SPTLC3: variants seen among roughly 807,000 people sequenced by gnomAD.
SPTLC3 encodes the protein serine palmitoyltransferase 3.
In SPTLC3, 36 loss-of-function variants were observed where a neutral mutation model predicts 59.3. The ratio of observed to expected loss-of-function variants is 0.61; its 90% CI spans 0.47 to 0.80. The LOEUF is 0.80. Among genes scored for constraint, SPTLC3 ranks in the 30% least tolerant of loss-of-function variants. The pLI is 0.00. For synonymous variants in SPTLC3, 257 were observed against 240.8 expected (o/e 1.07, Z -0.62); for missense variants, 625 against 685.1 (o/e 0.91, Z 0.98).
intron 2 of SPTLC3, among the ~76,000 whole-genome samples, chr20:13,071,713 T>C (rs1291483922): frequency 1.3e-5 from 2 of 152,184 alleles, no homozygotes; most frequent in Admixed American, 1.3e-4. Context: ...GATTACACTT[T>C]ATACAGCAAC....
chr20:13,145,886 G>A (rs1311852254), intron 9 of SPTLC3, among the ~76,000 whole-genome samples: 1 of 152,106 alleles, frequency 6.6e-6, no homozygotes, highest in African/African-American at 2.4e-5. Context: ...ACAAGTAATG[G>A]GGAAAGGACT....
At chr20:13,144,438 T>A (rs1191357820) in intron 9 of SPTLC3, among the ~76,000 whole-genome samples, 2 of 152,170 alleles carry the variant, frequency 1.3e-5, no homozygotes, top group Non-Finnish European at 1.5e-5. Flanking sequence ...ATTACTATCA[T>A]CCCCATTTAA....
rs114977437 is a variant in SPTLC3 at position 13,031,521 on chromosome 20, T to A, written c.118-17424T>A. On this transcript the variant is annotated intron_variant, in intron 1 of 11. Transcript: ENST00000399002. ...AGATGTATAAACATGAAATAAATTA[T>A]CAAACTCCTTGTCTCCTTTTCACCA... is the stretch of plus-strand genomic sequence containing the variant. 1.4e-3 allele frequency among the ~76,000 whole-genome samples: 218 copies of A among 152,290 alleles called. 1 individual carries two copies. Among genetic ancestry groups the A allele is most frequent in the African/African-American group, 5.0e-3 (209 of 41,568 alleles).
intron 9 of SPTLC3, among the ~76,000 whole-genome samples, chr20:13,133,550 A>G (rs568159051): frequency 1.3e-5 from 2 of 152,312 alleles, no homozygotes; most frequent in East Asian, 3.9e-4. Context: ...CCTGGCCAAC[A>G]AGGCAAAACC....
rs558802509 is a variant in SPTLC3, at chr20:13,055,900, C to T, written c.303+6770C>T. Among the ~76,000 whole-genome samples the T allele has an allele frequency of 3.8e-3, 574 of 152,074 alleles. 2 individuals carry two copies. The highest frequency in any genetic ancestry group is 0.026 in the South Asian group (124 of 4,802). On this transcript the variant is annotated intron_variant, in intron 2 of 11. Transcript: ENST00000399002. Reference sequence around the variant, plus strand: ...CCTCAACGAATCCCACAAGGAGTTCCGGAGATGAGAGGGCCTTTCAAGAGT... The same window carrying T: ...CCTCAACGAATCCCACAAGGAGTTCTGGAGATGAGAGGGCCTTTCAAGAGT...
intron 1 of SPTLC3, among the ~76,000 whole-genome samples, chr20:13,036,190 A>C (rs927986939): frequency 2.0e-5 from 3 of 152,202 alleles, no homozygotes; most frequent in Non-Finnish European, 4.4e-5. Flanking sequence ...TAATCTATAC[A>C]GTTGACCCTT....
At chr20:13,044,916 C>T (rs1600227572) in intron 1 of SPTLC3, among the ~76,000 whole-genome samples, 1 of 152,056 alleles carries the variant, frequency 6.6e-6, no homozygotes, top group Non-Finnish European at 1.5e-5. Context: ...CCTGATCACC[C>T]AGTGTGATGT....
intron 10 of SPTLC3, among the ~76,000 whole-genome samples, chr20:13,157,059 C>T (rs2038786657): frequency 6.6e-6 from 1 of 152,064 alleles, no homozygotes; most frequent in South Asian, 2.1e-4. Flanking sequence ...CTAAGTAAGG[C>T]TATTAGACCT....
intron 1 of SPTLC3, among the ~76,000 whole-genome samples, chr20:13,045,071 GTATT>G (rs1987174624): frequency 6.6e-6 from 1 of 151,484 alleles, no homozygotes; most frequent in African/African-American, 2.4e-5. Flanking sequence ...AAAACATACT[GTATT>G]TATTGATTTC....
At chr20:13,034,677 C>A in intron 1 of SPTLC3, among the ~76,000 whole-genome samples, 1 of 152,018 alleles carries the variant, frequency 6.6e-6, no homozygotes, top group East Asian at 1.9e-4. Flanking sequence ...TAAAATTTAA[C>A]CCAACGAGAA....
intron 4 of SPTLC3, among the ~76,000 whole-genome samples, chr20:13,082,546 C>A (rs1988875594): frequency 7.0e-6 from 1 of 143,672 alleles, no homozygotes; most frequent in Non-Finnish European, 1.6e-5. Context: ...CACAGCCACA[C>A]CCACTATTTT....
At chr20:13,017,268 C>G (rs1985576641) in intron 1 of SPTLC3, among the ~76,000 whole-genome samples, 1 of 152,174 alleles carries the variant, frequency 6.6e-6, no homozygotes, top group Non-Finnish European at 1.5e-5. Context: ...CAATGTTATT[C>G]ACTCAGAGAC....
intron 1 of SPTLC3, among the ~76,000 whole-genome samples, chr20:13,048,126 C>A (rs78742217): frequency 1.3e-5 from 2 of 152,114 alleles, no homozygotes; most frequent in Non-Finnish European, 2.9e-5. Context: ...ACAAGAAGAG[C>A]TAACTATCCT....
intron 1 of SPTLC3, among the ~76,000 whole-genome samples, chr20:13,044,549 C>T (rs1987145031): frequency 1.3e-5 from 2 of 151,990 alleles, no homozygotes; most frequent in South Asian, 2.1e-4. Flanking sequence ...TATATATGAC[C>T]GAGAGAAAAT....
chr20:13,089,179 T>C (rs1395126046), intron 4 of SPTLC3, among the ~76,000 whole-genome samples: 1 of 152,188 alleles, frequency 6.6e-6, no homozygotes, highest in Admixed American at 6.5e-5. Flanking sequence ...ACTATGTTGA[T>C]CCTTAGGCAG....
At chr20:13,039,461 A>G (rs182678787) in intron 1 of SPTLC3, among the ~76,000 whole-genome samples, 1 of 152,174 alleles carries the variant, frequency 6.6e-6, no homozygotes, top group Admixed American at 6.5e-5. Flanking sequence ...TTTTCATGAT[A>G]TATCTTTTTC....
At chr20:13,089,729 T>A (rs1989144057) in intron 4 of SPTLC3, among the ~76,000 whole-genome samples, 1 of 144,138 alleles carries the variant, frequency 6.9e-6, no homozygotes, top group Non-Finnish European at 1.5e-5. Flanking sequence ...GAGGTTGCAG[T>A]GAGTCAAGAT....
chr20:13,153,118 T>C (rs956520005), intron 9 of SPTLC3, among the ~76,000 whole-genome samples: 16 of 152,232 alleles, frequency 1.1e-4, no homozygotes, highest in African/African-American at 3.9e-4. Flanking sequence ...GGGACTTCAA[T>C]GTTTAATCCT....
chr20:13,020,126 T>C (rs1347701483), intron 1 of SPTLC3, among the ~76,000 whole-genome samples: 1 of 152,050 alleles, frequency 6.6e-6, no homozygotes, highest in Non-Finnish European at 1.5e-5. Flanking sequence ...GGGTAAAGGA[T>C]TCACAAATTG....
Sources: gnomAD v4.1 joint callset for allele counts (sites outside exome capture counted in the v4.1 genomes callset) on GRCh38, gnomAD v4.1.1 for gene constraint, MANE v1.5 for transcripts, NCBI Gene and HGNC (gene_info 2026-07-23, HGNC 2026-07-21) for gene names.